The following FHOD3 variants were observed in gnomAD, a reference collection of about 807,000 sequenced individuals.
FHOD3 encodes the protein FH1/FH2 domain-containing protein 3.
FHOD3 carries 90 observed loss-of-function variants against 173.0 expected under a neutral mutation model. The ratio of observed to expected loss-of-function variants is 0.52; its 90% CI spans 0.44 to 0.62. FHOD3 has a LOEUF of 0.62. FHOD3 is among the 20% of genes least tolerant of loss of function. The pLI is 0.00. For missense variants in FHOD3, 1,945 were observed against 2,034.7 expected (o/e 0.96, Z 0.85); for synonymous variants, 828 against 823.0 (o/e 1.01, Z -0.10).
intron 19 of FHOD3, among the ~76,000 whole-genome samples, chr18:36,723,267 C>G (rs2040881156): frequency 6.6e-6 from 1 of 152,204 alleles, no homozygotes; most frequent in Non-Finnish European, 1.5e-5. Context: ...TTTCCTTTAA[C>G]AATAAGGCAA....
rs143579901 is a variant in FHOD3 at position 36,576,501 on chromosome 18, C to T, written c.562C>T (p.Arg188Cys). The change falls in exon 6 of 29, where the codon CGC (arginine) becomes TGC (cysteine). Residue 188 changes from arginine (R) to cysteine (C), a missense_variant. Around this residue, in one of 5 missense-constraint regions of FHOD3, gnomAD observed 245 missense variants for 267.7 expected, o/e 0.92. Transcript: ENST00000590592. ...YVDGMNGVINRNETIQWLYTL... is the reference protein window; with the variant it reads ...YVDGMNGVINCNETIQWLYTL... ...GGATGGAATGAATGGAGTAATAAAC[C>T]GCAATGAAACCATTCAGTGGCTGTA... is the stretch of plus-strand genomic sequence containing the variant. The T allele has an allele frequency of 3.8e-5, 62 of 1,613,604 alleles. No homozygotes were observed. Among genetic ancestry groups the T allele is most frequent in the South Asian group, 2.9e-4 (26 of 90,968 alleles).
chr18:36,690,451 C>T (rs1200212951), intron 16 of FHOD3, among the ~76,000 whole-genome samples: 3 of 152,008 alleles, frequency 2.0e-5, no homozygotes, highest in African/African-American at 2.4e-5. Context: ...TTGCATGGGC[C>T]GGTGGGTCCT....
chr18:36,392,609 A>T (rs1253004569), intron 3 of FHOD3, among the ~76,000 whole-genome samples: 1 of 152,142 alleles, frequency 6.6e-6, no homozygotes, highest in Non-Finnish European at 1.5e-5. Flanking sequence ...TCACTTAGAG[A>T]CCTAGAGACA....
At chr18:36,479,387 TG>T (rs1163334590) in intron 3 of FHOD3, among the ~76,000 whole-genome samples, 1 of 152,228 alleles carries the variant, frequency 6.6e-6, no homozygotes, top group African/African-American at 2.4e-5. Context: ...TGCAATACAG[TG>T]GAGCTGTCAT....
chr18:36,679,054 T>C (rs184529931), intron 14 of FHOD3, among the ~76,000 whole-genome samples: 17 of 152,326 alleles, frequency 1.1e-4, no homozygotes, highest in Admixed American at 1.1e-3. Context: ...GGATTTTTTT[T>C]CATGGGTGTG....
intron 1 of FHOD3, among the ~76,000 whole-genome samples, chr18:36,302,182 A>G (rs976582946): frequency 2.0e-5 from 3 of 152,080 alleles, no homozygotes; most frequent in Non-Finnish European, 4.4e-5. Context: ...GCCTGTCCAC[A>G]TTTCAGCGTG....
At chr18:36,676,639 G>T (rs1286656488) in intron 14 of FHOD3, among the ~76,000 whole-genome samples, 2 of 152,096 alleles carry the variant, frequency 1.3e-5, no homozygotes, top group East Asian at 1.9e-4. Flanking sequence ...TCGACTTCTA[G>T]AAGCAGTGTA....
intron 2 of FHOD3, among the ~76,000 whole-genome samples, chr18:36,369,163 C>A (rs2047040849): frequency 6.6e-6 from 1 of 151,858 alleles, no homozygotes; most frequent in East Asian, 1.9e-4. Context: ...AAAGTTTTAG[C>A]CATGAAGGAA....
intron 1 of FHOD3, among the ~76,000 whole-genome samples, chr18:36,338,128 A>G (rs1283433409): frequency 2.6e-5 from 4 of 152,214 alleles, no homozygotes; most frequent in Non-Finnish European, 4.4e-5. Context: ...AGAATGTGGC[A>G]GGTAGAGAAC....
At position 36,372,682 on chromosome 18, in the gene FHOD3, G is replaced by A. The variant is rs769863952; in HGVS notation, c.275G>A (p.Arg92Gln). The A allele has an allele frequency of 6.8e-6, 11 of 1,613,864 alleles. No individual in the cohort carries two copies. The highest frequency in any genetic ancestry group is 6.7e-5 in the East Asian group (3 of 44,866). ...TGTTTTGTCTCCTGTCTCGTTAGGC[G>A]GGGCAAGAAGCACAGCATCATCCTA... ...ELEGFQDDAG[R>Q]GKKHSIILRT... The change falls in exon 3 of 29, where the codon CGG (arginine) becomes CAG (glutamine). Residue 92 changes from arginine to glutamine, a missense_variant and splice_region_variant. Arg to Gln is a conservative substitution (Grantham distance 43). Around this residue, in one of 5 missense-constraint regions of FHOD3, gnomAD observed 245 missense variants for 267.7 expected, o/e 0.92. Transcript: ENST00000590592.
At chr18:36,597,296 C>G (rs370516707) in intron 7 of FHOD3, among the ~76,000 whole-genome samples, 9 of 152,190 alleles carry the variant, frequency 5.9e-5, no homozygotes, top group Non-Finnish European at 1.3e-4. Flanking sequence ...CAGAGATTCT[C>G]GTCTGTCAGA....
Position 36,718,069 on chromosome 18 carries a change from G to A in FHOD3, c.2771G>A (p.Arg924Lys). The change falls in exon 19 of 29, where the codon AGG (arginine) becomes AAG (lysine). Residue 924 changes from arginine to lysine, a missense_variant. This residue lies in a region of FHOD3 where 1,099 missense variants were observed against 1,051.2 expected (regional missense o/e 1.05). Coordinates refer to ENST00000590592, the MANE Select transcript of FHOD3 (RefSeq NM_001281740.3). ...TCTCAGACCCAGGATGAGAGTGTCA[G>A]GAGGGTGGATGTCGGCTGTTTGGAC... ...ANSQTQDESV[R>K]RVDVGCLDNR... 6.3e-7 allele frequency: 1 copy of A among 1,599,670 alleles called. No homozygotes were observed.
At chr18:36,611,892 C>T in intron 8 of FHOD3, 60 bp from the exon 9 acceptor site, 1 of 1,523,000 alleles carries the variant, frequency 6.6e-7, no homozygotes, top group Non-Finnish European at 8.9e-7. Context: ...GGAAAATGCC[C>T]TGAGAGCCTC....
At chr18:36,467,518 C>A (rs1361500101) in intron 3 of FHOD3, among the ~76,000 whole-genome samples, 1 of 152,098 alleles carries the variant, frequency 6.6e-6, no homozygotes, top group African/African-American at 2.4e-5. Context: ...CTAGCCTGCG[C>A]CAGCGTCACT....
chr18:36,672,994 T>A (rs183540945), intron 14 of FHOD3, among the ~76,000 whole-genome samples: 306 of 152,334 alleles, frequency 2.0e-3, no homozygotes, highest in Non-Finnish European at 3.1e-3. Flanking sequence ...TAGCCTTATC[T>A]TTATAAAGAT....
intron 5 of FHOD3, among the ~76,000 whole-genome samples, chr18:36,573,443 G>GAAGA (rs60985291): frequency 7.1e-6 from 1 of 141,070 alleles, no homozygotes; most frequent in Non-Finnish European, 1.5e-5. Flanking sequence ...TATCTCTACA[G>GAAGA]AAAAAAAAAA....
At chr18:36,467,958 A>G (rs2053044378) in intron 3 of FHOD3, among the ~76,000 whole-genome samples, 1 of 152,234 alleles carries the variant, frequency 6.6e-6, no homozygotes, top group Non-Finnish European at 1.5e-5. Context: ...ATGCCAAGAA[A>G]GCCCAAATGA....
chr18:36,458,666 GTTTTTT>G (rs35141522), intron 3 of FHOD3, among the ~76,000 whole-genome samples: 9 of 104,726 alleles, frequency 8.6e-5, no homozygotes, highest in African/African-American at 3.1e-4. Context: ...TTTTTGTTAG[GTTTTTT>G]TTTTTTTTTT....
intron 1 of FHOD3, among the ~76,000 whole-genome samples, chr18:36,344,764 TA>T (rs1334535161): frequency 6.6e-6 from 1 of 152,130 alleles, no homozygotes; most frequent in Non-Finnish European, 1.5e-5. Flanking sequence ...CAGATTAGAT[TA>T]AAAAACTATA....
Sources: gnomAD v4.1 joint callset for allele counts (sites outside exome capture counted in the v4.1 genomes callset) on GRCh38, gnomAD v4.1.1 for gene constraint, gnomAD v4.1.1 regional missense constraint, MANE v1.5 for transcripts, NCBI Gene and HGNC (gene_info 2026-07-23, HGNC 2026-07-21) for gene names.